Variants in SHOC1 observed in about 807,000 individuals in gnomAD.
SHOC1 encodes the protein protein shortage in chiasmata 1 ortholog.
Under a neutral mutation model 179.2 loss-of-function variants are expected in SHOC1, and 136 were observed. The observed-to-expected ratio is 0.76, with a 90% CI of 0.66 to 0.87. The LOEUF (loss-of-function observed/expected upper bound fraction) is 0.87, where lower values mean the gene tolerates loss of function less well. SHOC1 is among the 40% of genes least tolerant of loss of function. The probability of loss-of-function intolerance (pLI) is 0.00; values close to 1 mark genes in which losing one functional copy is unlikely to be tolerated. For missense variants in SHOC1, 1,538 were observed against 1,700.8 expected, an observed-to-expected ratio of 0.90 and a Z score of 1.68; for synonymous variants, 489 against 586.6, an observed-to-expected ratio of 0.83 and a Z score of 2.41.
chr9:111,729,099 AG>A (rs1162638990), intron 12 of SHOC1, among the ~76,000 whole-genome samples: 1 of 146,516 alleles, frequency 6.8e-6, no homozygotes, highest in Non-Finnish European at 1.5e-5. Flanking sequence ...CTTTTTGCAA[AG>A]GTGGGGGGTT....
At chr9:111,783,216 A>C (rs1836138960) in intron 3 of SHOC1, among the ~76,000 whole-genome samples, 1 of 152,186 alleles carries the variant, frequency 6.6e-6, no homozygotes, top group South Asian at 2.1e-4. Context: ...CTTCATAGCA[A>C]AATTCCCCAA....
chr9:111,748,349 T>C (rs1251744621), intron 8 of SHOC1, 150 bp from the exon 9 acceptor site: 1 of 597,614 alleles, frequency 1.7e-6, no homozygotes, highest in East Asian at 2.8e-5. Flanking sequence ...TTTATACTTC[T>C]GAAGAAAATG....
Position 111,780,142 on chromosome 9 carries a change from C to T in SHOC1, c.257+788G>A, listed in dbSNP as rs149491957. 9.6e-3 allele frequency among the ~76,000 whole-genome samples: 1,455 copies of T among 152,210 alleles called. 23 individuals are homozygous for T. The highest frequency in any genetic ancestry group is 0.034 in the African/African-American group (1,400 of 41,508). ...ATTTTCCTAACCTGACTTTAAATTC[C>T]TAGGTGACAGAGATGGTATATTGGG... On this transcript the variant is annotated intron_variant, in intron 4 of 27. Coordinates refer to ENST00000682961, the MANE Select transcript of SHOC1 (RefSeq NM_001378211.1).
intron 16 of SHOC1, among the ~76,000 whole-genome samples, chr9:111,716,147 T>G (rs1832776192): frequency 6.6e-6 from 1 of 152,150 alleles, no homozygotes; most frequent in African/African-American, 2.4e-5. Flanking sequence ...ACCTGGAGAT[T>G]AAGAAGTTAG....
intron 2 of SHOC1, among the ~76,000 whole-genome samples, chr9:111,790,204 T>TA (rs1342596994): frequency 1.3e-5 from 2 of 152,208 alleles, no homozygotes; most frequent in Admixed American, 6.5e-5. Flanking sequence ...ATGAAGTACT[T>TA]ATGATGATAA....
chr9:111,711,058 T>C (rs1248316163), intron 18 of SHOC1, among the ~76,000 whole-genome samples: 3 of 152,104 alleles, frequency 2.0e-5, no homozygotes, highest in Admixed American at 2.0e-4. Flanking sequence ...AGGAAATAAC[T>C]GATGGAACAA....
chr9:111,706,780 A>G (rs958636623), intron 19 of SHOC1, 34 bp from the exon 20 acceptor site: 9 of 1,446,216 alleles, frequency 6.2e-6, no homozygotes, highest in Non-Finnish European at 8.4e-6. Flanking sequence ...AAATGGCATT[A>G]TACTTGTGTT....
chr9:111,737,805 CCTT>C (rs34905275), intron 12 of SHOC1: 87,278 of 157,372 alleles, frequency 0.55, 24,870 homozygotes, highest in East Asian at 0.87. Context: ...GACATTTTTG[CCTT>C]CTTAAGTTGT....
chr9:111,770,339 CTT>C (rs2131603171), intron 5 of SHOC1, among the ~76,000 whole-genome samples: 1 of 152,182 alleles, frequency 6.6e-6, no homozygotes, highest in South Asian at 2.1e-4. Context: ...CAAAGTTCCT[CTT>C]GTTACTGATT....
chr9:111,711,003 G>C (rs976940409), intron 18 of SHOC1, among the ~76,000 whole-genome samples: 1 of 152,090 alleles, frequency 6.6e-6, no homozygotes, highest in African/African-American at 2.4e-5. Flanking sequence ...AGACTGAAGG[G>C]CTTAAACATT....
At chr9:111,719,444 T>C (rs1039688907) in intron 15 of SHOC1, among the ~76,000 whole-genome samples, 1 of 152,222 alleles carries the variant, frequency 6.6e-6, no homozygotes, top group Non-Finnish European at 1.5e-5. Context: ...CTGTATATTT[T>C]ATAATAATCA....
chr9:111,753,118 T>C (rs1039960685), intron 8 of SHOC1, among the ~76,000 whole-genome samples: 1 of 152,206 alleles, frequency 6.6e-6, no homozygotes. Context: ...TCTACCTAGT[T>C]TTTTAAACTA....
chr9:111,696,613 T>G (rs1448326776), intron 24 of SHOC1, among the ~76,000 whole-genome samples: 1 of 151,994 alleles, frequency 6.6e-6, no homozygotes, highest in Non-Finnish European at 1.5e-5. Context: ...GAATGGATTG[T>G]TCCTAGGCGG....
rs756922145 is a variant in SHOC1, at chr9:111,758,747, C to G, written c.544G>C (p.Asp182His). 8 of 1,600,734 alleles carry G rather than the reference C, an allele frequency of 5.0e-6. No individual in the cohort carries two copies. The highest frequency in any genetic ancestry group is 6.0e-6 in the Non-Finnish European group (7 of 1,175,894). Reference sequence around the variant, plus strand: ...TGTCCTTTGAAATCTAAAAGAGGATCCTTTACCAAAAACAGTTTTAGTCTA... The same window carrying G: ...TGTCCTTTGAAATCTAAAAGAGGATGCTTTACCAAAAACAGTTTTAGTCTA... The part of the protein sequence containing the change: ...LSRLKLFLVK[D>H]PLLDFKGQIF... The change falls in exon 6 of 28, where the codon GAT (aspartate) becomes CAT (histidine). Residue 182 changes from aspartate (D) to histidine (H), a missense_variant. By Grantham distance (81) the Asp-to-His change is moderately conservative. Transcript: ENST00000682961.
At chr9:111,791,288 A>C (rs919766850) in intron 2 of SHOC1, 86 bp downstream of exon 2, 2 of 642,440 alleles carry the variant, frequency 3.1e-6, no homozygotes, top group Non-Finnish European at 4.7e-6. Flanking sequence ...ATTTCAGATA[A>C]GGGATACTCA....
At chr9:111,742,825 A>G (rs1028357697) in intron 10 of SHOC1, among the ~76,000 whole-genome samples, 3 of 152,224 alleles carry the variant, frequency 2.0e-5, no homozygotes, top group Non-Finnish European at 4.4e-5. Context: ...CAATTCCTGA[A>G]TCTTACCAAG....
intron 21 of SHOC1, 36 bp downstream of exon 21, chr9:111,705,211 T>C (rs763871339): frequency 1.2e-6 from 1 of 818,226 alleles, no homozygotes; most frequent in Non-Finnish European, 1.9e-6. Context: ...ATATATAATG[T>C]ACACTTTTGT....
chr9:111,729,472 G>A (rs1164789605), intron 12 of SHOC1, among the ~76,000 whole-genome samples: 3 of 152,118 alleles, frequency 2.0e-5, no homozygotes, highest in Admixed American at 6.6e-5. Context: ...AGGTTGGTGT[G>A]GCTGTGGAAA....
At chr9:111,776,962 T>G (rs1486540834) in intron 4 of SHOC1, among the ~76,000 whole-genome samples, 1 of 152,194 alleles carries the variant, frequency 6.6e-6, no homozygotes, top group African/African-American at 2.4e-5. Flanking sequence ...CAAATCAGTC[T>G]CCCTGAGCAT....
Sources: gnomAD v4.1 joint callset for allele counts (sites outside exome capture counted in the v4.1 genomes callset) on GRCh38, gnomAD v4.1.1 for gene constraint, MANE v1.5 for transcripts, NCBI Gene and HGNC (gene_info 2026-07-23, HGNC 2026-07-21) for gene names.